Variants in NPRL3 observed in about 807,000 individuals in gnomAD.
The protein encoded by NPRL3 is NPR3 like, GATOR1 complex subunit, also known as GATOR1 complex protein NPRL3.
Under a neutral mutation model 57.2 loss-of-function variants are expected in NPRL3, and 23 were observed. The observed-to-expected ratio is 0.40, with a 90% CI of 0.29 to 0.57. NPRL3 has a LOEUF of 0.57. Ranked by LOEUF, NPRL3 falls within the 20% of genes least tolerant of loss-of-function variation. The pLI is 0.42. For missense variants in NPRL3, 691 were observed against 767.1 expected, an observed-to-expected ratio of 0.90 and a Z score of 1.17; for synonymous variants, 333 against 321.1, an observed-to-expected ratio of 1.04 and a Z score of -0.39.
intron 11 of NPRL3, 160 bp from the exon 12 acceptor site, chr16:90,062 C>T: frequency 1.5e-6 from 1 of 684,886 alleles, no homozygotes; most frequent in Non-Finnish European, 2.3e-6. Context: ...AGCTGCCAGC[C>T]AGCTCTGCAA....
At chr16:89,286 A>C in intron 12 of NPRL3, 1 of 264,524 alleles carries the variant, frequency 3.8e-6, no homozygotes, top group Non-Finnish European at 7.2e-6. Flanking sequence ...AAAGTCTTCC[A>C]CCCCCTTCCT....
chr16:131,939 C>G (rs1019407188), intron 2 of NPRL3, among the ~76,000 whole-genome samples: 1 of 151,998 alleles, frequency 6.6e-6, no homozygotes, highest in Non-Finnish European at 1.5e-5. Flanking sequence ...TCTCTGTTGT[C>G]ATTTTAACAA....
At chr16:105,230 C>T (rs934683215) in intron 7 of NPRL3, among the ~76,000 whole-genome samples, 4 of 152,164 alleles carry the variant, frequency 2.6e-5, no homozygotes, top group African/African-American at 4.8e-5. Flanking sequence ...ACACTCTCGC[C>T]GTTCATCTCC....
In NPRL3 at chr16:88,660, C is replaced by G. The variant is rs773262644; in HGVS notation, c.1544+38G>C. 1.5e-5 allele frequency: 24 copies of G among 1,567,206 alleles called. 1 individual carries two copies. Among genetic ancestry groups the G allele is most frequent in the East Asian group, 1.2e-4 (5 of 43,082 alleles). On this transcript the variant is annotated intron_variant, in intron 13 of 13. Transcript: ENST00000611875. The stretch of plus-strand genomic sequence containing the variant: ...CTATCCACTTTCTGCCCTGACCCTG[C>G]AACTGGCCCCAGTCCCAACGGGTCA...
rs1048069050 is a variant in NPRL3 at position 130,533 on chromosome 16, G to T, written c.177C>A (p.Asp59Glu). Residue 59 changes from aspartate to glutamate, a missense_variant, in exon 3 of 14, where the codon GAC becomes GAA. Transcript: ENST00000611875. ...SNTGDHADEQ[D>E]GDSRFSDVIL... ...CGCAGAGCCTTTACCTGGAATCGCCGTCCTGCTCATCAGCATGGTCGCCCG... is the reference window on the plus strand; with the variant it reads ...CGCAGAGCCTTTACCTGGAATCGCCTTCCTGCTCATCAGCATGGTCGCCCG... 3.9e-6 allele frequency: 6 copies of T among 1,552,618 alleles called. No individual in the cohort carries two copies.
chr16:125,610 A>C (rs1900482041), intron 3 of NPRL3: 1 of 152,250 alleles, frequency 6.6e-6, no homozygotes, highest in Non-Finnish European at 1.5e-5. Flanking sequence ...AAACAGTGGA[A>C]CTAAGGCTCA....
chr16:120,345 C>T (rs542393764), intron 3 of NPRL3, among the ~76,000 whole-genome samples: 1 of 152,288 alleles, frequency 6.6e-6, no homozygotes, highest in South Asian at 2.1e-4. Flanking sequence ...AGGGTGCAAA[C>T]CTGGTCATGC....
At position 95,325 on chromosome 16, in the gene NPRL3, GTATATA is replaced by G. The variant is rs780432969; in HGVS notation, c.925-2006_925-2001del. 5.4e-3 allele frequency among the ~76,000 whole-genome samples: 550 copies of G among 102,196 alleles called. 5 individuals carry two copies. The highest frequency in any genetic ancestry group is 0.022 in the Middle Eastern group (4 of 178). 67.0% of individuals were successfully genotyped at this position (102,196 alleles called of 152,430 possible). A position where few individuals can be genotyped will look rare whatever the true frequency, so the allele number is the denominator to read the frequency against. On this transcript the variant is annotated intron_variant, in intron 9 of 13. Transcript: ENST00000611875. The stretch of plus-strand genomic sequence containing the variant: ...AATACAAAATAAAATGTTTGTGTGT[GTATATA>G]TATATATATATATATATATACACAC...
chr16:87,661 C>G (rs1309551507), intron 13 of NPRL3, among the ~76,000 whole-genome samples: 1 of 152,030 alleles, frequency 6.6e-6, no homozygotes, highest in Non-Finnish European at 1.5e-5. Context: ...GCTCCGCCTC[C>G]CGCCTTCAGG....
chr16:135,370 G>A (rs1326681205), intron 2 of NPRL3, among the ~76,000 whole-genome samples: 2 of 152,086 alleles, frequency 1.3e-5, no homozygotes, highest in Non-Finnish European at 2.9e-5. Context: ...ACATACTTTG[G>A]GATGCCGAGG....
chr16:96,333 A>G lies in NPRL3; in HGVS notation c.924+1812T>C, dbSNP rs559166121. On this transcript the variant is annotated intron_variant, in intron 9 of 13. Coordinates refer to ENST00000611875, the MANE Select transcript of NPRL3 (RefSeq NM_001077350.3). ...CCAGCTCCTTTCAAAAGCTCAACAC[A>G]GGACCAGTGAACAGCCACAGGCATT... is the stretch of plus-strand genomic sequence containing the variant. Among the ~76,000 whole-genome samples the G allele has an allele frequency of 5.8e-4, 89 of 152,310 alleles. 1 individual carries two copies. Among genetic ancestry groups the G allele is most frequent in the African/African-American group, 2.0e-3 (84 of 41,574 alleles).
At chr16:89,021 A>T in intron 12 of NPRL3, 131 bp from the exon 13 acceptor site, 1 of 792,554 alleles carries the variant, frequency 1.3e-6, no homozygotes. Flanking sequence ...ATCTGCCTGC[A>T]AGCATTCGCT....
intron 3 of NPRL3, among the ~76,000 whole-genome samples, chr16:121,777 C>CT (rs1010127796): frequency 2.6e-5 from 4 of 151,676 alleles, no homozygotes; most frequent in South Asian, 2.1e-4. Context: ...TGACAAAACG[C>CT]TTTTTTTTCT....
At chr16:93,473 G>A (rs910609580) in intron 9 of NPRL3, 148 bp from the exon 10 acceptor site, 1 of 635,150 alleles carries the variant, frequency 1.6e-6, no homozygotes, top group Non-Finnish European at 2.9e-6. Flanking sequence ...GCTATGGCCC[G>A]AGACTTCCTC....
intron 8 of NPRL3, 143 bp downstream of exon 8, chr16:100,228 TA>T: frequency 1.2e-6 from 1 of 840,952 alleles, no homozygotes; most frequent in African/African-American, 1.8e-5. Flanking sequence ...TTAACTTCTA[TA>T]AACGGCAGAG....
intron 3 of NPRL3, among the ~76,000 whole-genome samples, chr16:128,497 G>A (rs950835766): frequency 6.6e-5 from 10 of 152,324 alleles, no homozygotes; most frequent in Non-Finnish European, 8.8e-5. Context: ...GGCCGGGCGC[G>A]GTGGCTCACG....
intron 3 of NPRL3, among the ~76,000 whole-genome samples, chr16:127,861 A>T (rs1259175086): frequency 6.6e-6 from 1 of 151,004 alleles, no homozygotes; most frequent in Admixed American, 6.6e-5. Flanking sequence ...TCACCGTGTT[A>T]GCCAGGATGA....
intron 2 of NPRL3, among the ~76,000 whole-genome samples, chr16:134,156 T>C (rs955326762): frequency 5.3e-5 from 8 of 151,900 alleles, no homozygotes; most frequent in Non-Finnish European, 1.2e-4. Flanking sequence ...ACAGACTTGC[T>C]GGACACAGGT....
At chr16:117,211 C>T (rs1457247509) in intron 5 of NPRL3, 90 bp downstream of exon 5, 1 of 896,904 alleles carries the variant, frequency 1.1e-6, no homozygotes, top group Non-Finnish European at 1.8e-6. Context: ...GCAGTCCAAG[C>T]TCCGAGTCAA....
Sources: allele counts gnomAD v4.1 joint callset (sites outside exome capture counted in the v4.1 genomes callset), GRCh38; gene constraint gnomAD v4.1.1; transcripts MANE v1.5; gene names NCBI Gene and HGNC (gene_info 2026-07-23, HGNC 2026-07-21).